Variants in DGKB observed in about 807,000 individuals in gnomAD.
DGKB encodes the protein 90 kDa diacylglycerol kinase.
DGKB carries 67 observed loss-of-function variants against 114.3 expected under a neutral mutation model. The observed-to-expected ratio is 0.59, with a 90% CI of 0.48 to 0.72. The LOEUF (loss-of-function observed/expected upper bound fraction) is 0.72. Ranked by LOEUF, DGKB falls within the 30% of genes least tolerant of loss-of-function variation. The probability of loss-of-function intolerance (pLI) is 0.00; values close to 1 mark genes in which losing one functional copy is unlikely to be tolerated. For synonymous variants in DGKB, 398 were observed against 323.1 expected (o/e 1.23, Z -2.49); for missense variants, 907 against 975.2 (o/e 0.93, Z 0.93).
At chr7:14,489,815 A>T (rs372298048) in intron 20 of DGKB, among the ~76,000 whole-genome samples, 1 of 152,080 alleles carries the variant, frequency 6.6e-6, no homozygotes, top group African/African-American at 2.4e-5. Context: ...AGATAGAAGA[A>T]AAATCATGTT....
At chr7:14,195,559 G>A (rs138387861) in intron 23 of DGKB, among the ~76,000 whole-genome samples, 2 of 151,966 alleles carry the variant, frequency 1.3e-5, no homozygotes, top group Non-Finnish European at 2.9e-5. Flanking sequence ...ATGACTACAC[G>A]GTCTTTACAC....
intron 21 of DGKB, among the ~76,000 whole-genome samples, chr7:14,378,660 G>A (rs952650142): frequency 5.3e-5 from 8 of 152,068 alleles, no homozygotes; most frequent in African/African-American, 1.9e-4. Flanking sequence ...ATTAGAGACT[G>A]ACATCAAATG....
intron 25 of DGKB, among the ~76,000 whole-genome samples, chr7:14,170,178 A>G (rs964396028): frequency 1.3e-5 from 2 of 149,240 alleles, no homozygotes; most frequent in Non-Finnish European, 3.0e-5. Flanking sequence ...AGAAAGAAAG[A>G]AAGAAAGAAA....
In DGKB at chr7:14,747,775, G is replaced by GCGCGCGCACACA; in HGVS notation, c.168+6152_168+6153insTGTGTGCGCGCG. Among the ~76,000 whole-genome samples the GCGCGCGCACACA allele has an allele frequency of 6.0e-3, 894 of 149,272 alleles. 10 individuals carry two copies. The highest frequency in any genetic ancestry group is 0.022 in the African/African-American group (857 of 39,690). On this transcript the variant is annotated intron_variant, in intron 4 of 25. Transcript: ENST00000402815. ...GCTGTGGGCTCAAACACATCCACGC[G>GCGCGCGCACACA]CACGCACACACACACACACACACAC...
intron 17 of DGKB, among the ~76,000 whole-genome samples, chr7:14,597,207 CA>C (rs796494815): frequency 2.0e-5 from 3 of 151,292 alleles, no homozygotes; most frequent in African/African-American, 7.3e-5. Context: ...GACTCCGTCT[CA>C]AAAAAAACCA....
rs1196039520 is a variant in DGKB at position 14,409,529 on chromosome 7, A to C, written c.1836-64138T>G. Among the ~76,000 whole-genome samples, 4 of 33,688 alleles carry C rather than the reference A, an allele frequency of 1.2e-4. 2 individuals carry two copies. The highest frequency in any genetic ancestry group is 3.5e-4 in the Non-Finnish European group (4 of 11,564). 22.1% of individuals were successfully genotyped at this position (33,688 alleles called of 152,430 possible). A position where few individuals can be genotyped will look rare whatever the true frequency, so the allele number is the denominator to read the frequency against. On this transcript the variant is annotated intron_variant, in intron 21 of 25. Coordinates refer to ENST00000402815, the MANE Select transcript of DGKB (RefSeq NM_001350709.2). ...GAGACCATCCTGGCTAACAAGGTGA[A>C]ACCCCGTCTCTACTAAAAATACAAA...
At chr7:14,231,707 A>C (rs1353457771) in intron 23 of DGKB, among the ~76,000 whole-genome samples, 3 of 151,958 alleles carry the variant, frequency 2.0e-5, no homozygotes, top group African/African-American at 7.2e-5. Context: ...TACAGAAAAA[A>C]AAATAAAACT....
At chr7:14,582,805 C>G (rs1368889728) in intron 18 of DGKB, among the ~76,000 whole-genome samples, 1 of 152,152 alleles carries the variant, frequency 6.6e-6, no homozygotes, top group East Asian at 1.9e-4. Flanking sequence ...CTGAAAACAA[C>G]TCTGAAAATT....
At chr7:14,630,828 C>T (rs1377115838) in intron 13 of DGKB, among the ~76,000 whole-genome samples, 1 of 151,466 alleles carries the variant, frequency 6.6e-6, no homozygotes, top group Non-Finnish European at 1.5e-5. Flanking sequence ...GGGTTAAATA[C>T]ATTGACATTA....
intron 23 of DGKB, among the ~76,000 whole-genome samples, chr7:14,243,166 A>G (rs1025046971): frequency 6.6e-6 from 1 of 152,188 alleles, no homozygotes; most frequent in African/African-American, 2.4e-5. Context: ...AAAAAATAGA[A>G]AAGGGGAGAC....
intron 21 of DGKB, among the ~76,000 whole-genome samples, chr7:14,375,553 C>T: frequency 6.6e-6 from 1 of 152,204 alleles, no homozygotes; most frequent in Non-Finnish European, 1.5e-5. Context: ...TTCATAACTG[C>T]TGTTCCCTCT....
At chr7:14,649,644 A>G (rs536923085) in intron 13 of DGKB, among the ~76,000 whole-genome samples, 4,380 of 149,724 alleles carry the variant, frequency 0.029, 68 homozygotes, top group South Asian at 0.037. Context: ...CACACATAAC[A>G]CTATTAACTT....
chr7:14,284,439 G>T (rs1025596297), intron 23 of DGKB, among the ~76,000 whole-genome samples: 20 of 144,960 alleles, frequency 1.4e-4, no homozygotes, highest in Non-Finnish European at 2.7e-4. Flanking sequence ...CAACCACTGT[G>T]GAAGTCAGTG....
chr7:14,770,334 G>C (rs746543402), intron 2 of DGKB, among the ~76,000 whole-genome samples: 2 of 152,044 alleles, frequency 1.3e-5, no homozygotes, highest in African/African-American at 4.8e-5. Context: ...ATAGCTCTGA[G>C]AATGTCTCCA....
At chr7:14,562,100 C>A (rs1796743164) in intron 20 of DGKB, among the ~76,000 whole-genome samples, 2 of 152,188 alleles carry the variant, frequency 1.3e-5, no homozygotes, top group Admixed American at 1.3e-4. Flanking sequence ...AGGTACAGCT[C>A]AGAATGTGGT....
intron 8 of DGKB, among the ~76,000 whole-genome samples, chr7:14,695,602 C>A (rs923630346): frequency 3.5e-5 from 5 of 144,836 alleles, no homozygotes; most frequent in African/African-American, 1.3e-4. Context: ...TGGGTTCACG[C>A]CATTCTCCTG....
chr7:14,795,676 T>C (rs1841306505), intron 2 of DGKB, among the ~76,000 whole-genome samples: 1 of 152,118 alleles, frequency 6.6e-6, no homozygotes, highest in East Asian at 1.9e-4. Flanking sequence ...AGTCACCACA[T>C]ACAAGGTAGA....
intron 20 of DGKB, among the ~76,000 whole-genome samples, chr7:14,485,302 TGTG>T (rs1436393526): frequency 2.0e-5 from 1 of 49,182 alleles, no homozygotes; most frequent in Non-Finnish European, 4.3e-5. Context: ...GCTCATGAGG[TGTG>T]TGTGTGTGTG....
Position 14,811,783 on chromosome 7 carries a change from A to AAT in DGKB, c.70+29409_70+29410dup, listed in dbSNP as rs568861277. Among the ~76,000 whole-genome samples the AAT allele has an allele frequency of 3.3e-5, 5 of 152,086 alleles. No homozygotes were observed. In the South Asian group the frequency reaches 8.3e-4, roughly 25 times the overall value. On this transcript the variant is annotated intron_variant, in intron 2 of 25. Coordinates refer to ENST00000402815, the MANE Select transcript of DGKB (RefSeq NM_001350709.2). ...TAAGTAAATATATATATGTAACATA[A>AAT]ATATATATATGTATATATACACACA...
Sources: gnomAD v4.1 joint callset for allele counts (sites outside exome capture counted in the v4.1 genomes callset) on GRCh38, gnomAD v4.1.1 for gene constraint, MANE v1.5 for transcripts, NCBI Gene and HGNC (gene_info 2026-07-23, HGNC 2026-07-21) for gene names.